Variants in TOX4 observed in about 807,000 individuals in gnomAD.
TOX4 encodes the protein epidermal Langerhans cell protein LCP1.
A neutral mutation model predicts 61.0 loss-of-function variants in TOX4; 12 were observed. The observed-to-expected ratio is 0.20, with a 90% CI of 0.13 to 0.32. TOX4 has a LOEUF of 0.32. Ranked by LOEUF, TOX4 falls within the 10% of genes least tolerant of loss-of-function variation. TOX4 has a pLI of 1.00. For synonymous variants in TOX4, 268 were observed against 274.8 expected, an observed-to-expected ratio of 0.98 and a Z score of 0.24; for missense variants, 499 against 753.3, an observed-to-expected ratio of 0.66 and a Z score of 3.95.
chr14:21,481,187 CT>C (rs911524079), intron 2 of TOX4, among the ~76,000 whole-genome samples: 3 of 151,594 alleles, frequency 2.0e-5, no homozygotes, highest in Non-Finnish European at 4.4e-5. Context: ...ATGTGGATAA[CT>C]TTTTTTTTGA....
intron 5 of TOX4, among the ~76,000 whole-genome samples, chr14:21,491,036 G>C (rs1271083011): frequency 6.6e-6 from 1 of 152,248 alleles, no homozygotes; most frequent in Non-Finnish European, 1.5e-5. Context: ...TGTTGGTCAG[G>C]CTGGTGCCAA....
At chr14:21,484,068 CAAAGTACTGGGATTA>C (rs1209999356) in intron 2 of TOX4, among the ~76,000 whole-genome samples, 2 of 152,094 alleles carry the variant, frequency 1.3e-5, no homozygotes, top group East Asian at 3.9e-4. Context: ...CTTGGCTTCC[CAAAGTACTGGGATTA>C]CAGGTGTGAG....
In TOX4 at chr14:21,492,010, C is replaced by T. The variant is rs1279157061; in HGVS notation, c.811-286C>T. 3 of 220,586 alleles carry T rather than the reference C, an allele frequency of 1.4e-5. No individual in the cohort carries two copies. In the East Asian group the frequency reaches 3.3e-4, roughly 24 times the overall value. The allele number at this position is 220,586 out of a possible 1,614,324, so 13.7% of individuals were successfully genotyped here. On this transcript the variant is annotated intron_variant, in intron 5 of 8. Coordinates refer to ENST00000448790, the MANE Select transcript of TOX4 (RefSeq NM_014828.4). ...TGGGCGAGAGAGCACGACTCTGTCT[C>T]AAAAAAAATTTAAAAAAAATAAAAT...
intron 2 of TOX4, among the ~76,000 whole-genome samples, chr14:21,478,369 A>G (rs983661579): frequency 1.3e-5 from 2 of 152,214 alleles, no homozygotes; most frequent in African/African-American, 2.4e-5. Flanking sequence ...ATGTGTTTCA[A>G]TTTGCCAGTG....
At chr14:21,487,314 G>C in intron 2 of TOX4, 137 bp from the exon 3 acceptor site, 1 of 1,250,306 alleles carries the variant, frequency 8.0e-7, no homozygotes, top group Admixed American at 2.3e-5. Context: ...TAGGTTCTAA[G>C]AAATTGATTA....
At chr14:21,493,441 T>G (rs1348822657) in intron 7 of TOX4, among the ~76,000 whole-genome samples, 184 bp downstream of exon 7, 1 of 152,144 alleles carries the variant, frequency 6.6e-6, no homozygotes, top group Non-Finnish European at 1.5e-5. Flanking sequence ...ATACTGTTTT[T>G]TTTTTGTTTG....
chr14:21,486,119 T>C (rs1375998420), intron 2 of TOX4, among the ~76,000 whole-genome samples: 1 of 104,294 alleles, frequency 9.6e-6, no homozygotes, highest in African/African-American at 3.6e-5. Flanking sequence ...GGAGGCTTGC[T>C]TGAGCCCAGG....
At chr14:21,477,766 A>G (rs1594421475) in intron 2 of TOX4, among the ~76,000 whole-genome samples, 1 of 152,182 alleles carries the variant, frequency 6.6e-6, no homozygotes, top group East Asian at 1.9e-4. Context: ...TCAGAAAGCA[A>G]GGTATTGGAA....
intron 3 of TOX4, 109 bp from the exon 4 acceptor site, chr14:21,488,481 A>T: frequency 9.4e-7 from 1 of 1,064,734 alleles, no homozygotes; most frequent in Non-Finnish European, 1.3e-6. Context: ...TTTGTATTTT[A>T]AATGATACAA....
At chr14:21,495,062 G>T (rs1891371912) in intron 7 of TOX4, among the ~76,000 whole-genome samples, 167 bp from the exon 8 acceptor site, 1 of 152,248 alleles carries the variant, frequency 6.6e-6, no homozygotes, top group East Asian at 1.9e-4. Flanking sequence ...TTCTGAAGCT[G>T]GACTATAGAG....
At chr14:21,480,737 C>T (rs1244076693) in intron 2 of TOX4, among the ~76,000 whole-genome samples, 1 of 152,164 alleles carries the variant, frequency 6.6e-6, no homozygotes, top group Non-Finnish European at 1.5e-5. Context: ...ATACATATAT[C>T]TAACTCATAT....
Position 21,496,631 on chromosome 14 carries a change from AAG to A in TOX4, c.*28_*29del. The A allele has an allele frequency of 6.2e-7, 1 of 1,600,640 alleles. No homozygotes were observed. Among genetic ancestry groups the A allele is most frequent in the Non-Finnish European group, 8.5e-7 (1 of 1,169,874 alleles). On this transcript the variant is annotated 3_prime_UTR_variant, in exon 9 of 9. Coordinates refer to ENST00000448790, the MANE Select transcript of TOX4 (RefSeq NM_014828.4). ...GTCCTTCCTGTTCTCCAAGCCAGTG[AAG>A]AGTTATCTGCTGGGAAAGTGTCCAA...
In TOX4 at chr14:21,484,213, A is replaced by G. The variant is rs372840782; in HGVS notation, c.76-3238A>G. Among the ~76,000 whole-genome samples the G allele has an allele frequency of 9.9e-5, 15 of 151,488 alleles. No homozygotes were observed. The East Asian group carries it at 1.2e-3, about 12-fold the overall frequency. On this transcript the variant is annotated intron_variant, in intron 2 of 8. Transcript: ENST00000448790. ...AGTAAGGAGAAGGGAAACTGTACAT[A>G]TATCTTTTTGTCTTTTAGGAAACTT...
At chr14:21,477,592 G>T (rs1261466263) in intron 2 of TOX4, 28 bp downstream of exon 2, 3 of 1,612,332 alleles carry the variant, frequency 1.9e-6, no homozygotes, top group Admixed American at 1.7e-5. Flanking sequence ...ACGCCGCGGG[G>T]GTAGGGCCTG....
At position 21,487,768 on chromosome 14, in the gene TOX4, C is replaced by T. The variant is rs908466792; in HGVS notation, c.318+75C>T. 2.0e-6 allele frequency: 3 copies of T among 1,493,982 alleles called. No homozygotes were observed. In the Admixed American group the frequency reaches 6.8e-5, roughly 34 times the overall value. 92.5% of individuals were successfully genotyped at this position (1,493,982 alleles called of 1,614,324 possible). ...TAGGGGAGACAAAGTTACTCTATTC[C>T]CTGCTACACTTGGGTATTACTTGTT... On this transcript the variant is annotated intron_variant, in intron 3 of 8. Coordinates refer to ENST00000448790, the MANE Select transcript of TOX4 (RefSeq NM_014828.4).
intron 5 of TOX4, among the ~76,000 whole-genome samples, chr14:21,490,942 C>T (rs1424019180): frequency 3.3e-5 from 5 of 152,234 alleles, no homozygotes; most frequent in Non-Finnish European, 7.3e-5. Context: ...TCTCCTGCCT[C>T]AGCCTCCCAA....
In TOX4 at chr14:21,484,465, C is replaced by CTTTCCCATTTTACAG. The variant is rs1190679793; in HGVS notation, c.76-2986_76-2985insTTTCCCATTTTACAG. ...CTGGATTCAAGTGATTCTCCTGCCT[C>CTTTCCCATTTTACAG]AGCCTCCTGATGTAGATGGCATTAC... On this transcript the variant is annotated intron_variant, in intron 2 of 8. Coordinates refer to ENST00000448790, the MANE Select transcript of TOX4 (RefSeq NM_014828.4). Among the ~76,000 whole-genome samples, 28 of 104,812 alleles carry CTTTCCCATTTTACAG rather than the reference C, an allele frequency of 2.7e-4. 4 individuals carry two copies. Among genetic ancestry groups the CTTTCCCATTTTACAG allele is most frequent in the East Asian group, 2.5e-3 (7 of 2,842 alleles). The allele number at this position is 104,812 out of a possible 152,430, so 68.8% of individuals were successfully genotyped here.
intron 2 of TOX4, among the ~76,000 whole-genome samples, chr14:21,483,537 C>T (rs141651363): frequency 1.1e-4 from 17 of 151,988 alleles, no homozygotes; most frequent in Non-Finnish European, 1.6e-4. Flanking sequence ...ATGGGCCAGA[C>T]ACAGTGGCTC....
chr14:21,491,907 A>G (rs1475343834), intron 5 of TOX4, among the ~76,000 whole-genome samples: 1 of 151,606 alleles, frequency 6.6e-6, no homozygotes, highest in Non-Finnish European at 1.5e-5. Context: ...GCTACTCAGG[A>G]GGCTGAAGCA....
Sources: gnomAD v4.1 joint callset for allele counts (sites outside exome capture counted in the v4.1 genomes callset) on GRCh38, gnomAD v4.1.1 for gene constraint, MANE v1.5 for transcripts, NCBI Gene and HGNC (gene_info 2026-07-23, HGNC 2026-07-21) for gene names.